The following ATAD2B variants were observed in gnomAD, a reference collection of about 807,000 sequenced individuals.
ATAD2B encodes ATPase family AAA domain-containing protein 2B.
Under a neutral mutation model 167.6 loss-of-function variants are expected in ATAD2B, and 40 were observed. The ratio of observed to expected loss-of-function variants is 0.24; its 90% CI spans 0.19 to 0.31. ATAD2B has a LOEUF of 0.31. ATAD2B is among the 10% of genes least tolerant of loss of function. ATAD2B has a pLI of 1.00. For synonymous variants in ATAD2B, 579 were observed against 596.5 expected (o/e 0.97, Z 0.43); for missense variants, 1,242 against 1,757.2 (o/e 0.71, Z 5.24).
intron 15 of ATAD2B, among the ~76,000 whole-genome samples, chr2:23,825,397 T>A (rs1332776071): frequency 1.3e-5 from 2 of 152,184 alleles, no homozygotes; most frequent in Non-Finnish European, 2.9e-5. Context: ...GATTACGCAT[T>A]AACATTGTTC....
At chr2:23,795,933 A>C (rs538064376) in intron 19 of ATAD2B, among the ~76,000 whole-genome samples, 32 of 152,056 alleles carry the variant, frequency 2.1e-4, no homozygotes, top group Admixed American at 1.4e-3. Flanking sequence ...GGTAGACCTG[A>C]AATTAAATTG....
intron 14 of ATAD2B, among the ~76,000 whole-genome samples, chr2:23,831,745 C>CGACT (rs879290761): frequency 4.6e-5 from 7 of 152,190 alleles, no homozygotes; most frequent in Non-Finnish European, 1.0e-4. Context: ...TATCTAAAGT[C>CGACT]ATTCACACCA....
At chr2:23,726,668 A>G in the ATAD2B span, among the ~76,000 whole-genome samples, 1 of 152,214 alleles carries the variant, frequency 6.6e-6, no homozygotes, top group East Asian at 1.9e-4. Context: ...ATATTATTCA[A>G]CCTTAAAAAG....
chr2:23,915,569 A>ATGTC (rs1183606312), intron 1 of ATAD2B, among the ~76,000 whole-genome samples: 19 of 140,498 alleles, frequency 1.4e-4, no homozygotes, highest in African/African-American at 4.8e-4. Flanking sequence ...GTAAACAACC[A>ATGTC]TGTCTGACTA....
the ATAD2B span, among the ~76,000 whole-genome samples, chr2:23,719,928 G>C: frequency 6.6e-6 from 1 of 152,322 alleles, no homozygotes; most frequent in African/African-American, 2.4e-5. Flanking sequence ...TGCTGTAGGA[G>C]GTTCATCCCA....
At chr2:23,813,993 C>T (rs910446286) in intron 17 of ATAD2B, among the ~76,000 whole-genome samples, 1 of 152,086 alleles carries the variant, frequency 6.6e-6, no homozygotes, top group African/African-American at 2.4e-5. Context: ...TCGAACATGC[C>T]TGTAATCCCA....
At chr2:23,696,085 C>T in the ATAD2B span, 126 of 1,551,678 alleles carry the variant, frequency 8.1e-5, no homozygotes, top group Non-Finnish European at 1.0e-4. This position sits in a 1 kb window ranked among gnomAD's most constrained non-coding sequence, Gnocchi z 5.5. Context: ...CTTCTATGAC[C>T]GCGAGTTCTT....
intron 1 of ATAD2B, among the ~76,000 whole-genome samples, chr2:23,919,673 T>A (rs1043693338): frequency 6.6e-6 from 1 of 151,388 alleles, no homozygotes; most frequent in African/African-American, 2.4e-5. Flanking sequence ...TGAAACCCCA[T>A]CTCTTCTAAA....
the ATAD2B span, among the ~76,000 whole-genome samples, chr2:23,723,759 C>A: frequency 1.3e-5 from 2 of 152,102 alleles, no homozygotes. Context: ...AGTCCCACTA[C>A]TGGGAATTTA....
chr2:23,703,942 C>T, the ATAD2B span: 4 of 1,403,968 alleles, frequency 2.8e-6, no homozygotes, highest in Non-Finnish European at 2.9e-6. Context: ...TGATTTCCTG[C>T]CATCAGTGAC....
chr2:23,696,175 C>T, the ATAD2B span: 1 of 1,530,958 alleles, frequency 6.5e-7, no homozygotes, highest in Non-Finnish European at 8.8e-7. The surrounding 1 kb of genome is among the most constrained non-coding windows in gnomAD (Gnocchi z 5.5). Flanking sequence ...GCATGGGGGT[C>T]CCAAGGGGAC....
the ATAD2B span, among the ~76,000 whole-genome samples, chr2:23,725,906 T>G: frequency 2.0e-5 from 3 of 152,142 alleles, no homozygotes; most frequent in Non-Finnish European, 2.9e-5. Flanking sequence ...TAGAACCTTG[T>G]GCACTGTTCG....
the ATAD2B span, among the ~76,000 whole-genome samples, chr2:23,730,853 G>C: frequency 6.6e-6 from 1 of 150,686 alleles, no homozygotes; most frequent in Non-Finnish European, 1.5e-5. Flanking sequence ...CAGAAGTGTA[G>C]AAATCAGAAA....
At chr2:23,813,480 A>G in intron 17 of ATAD2B, among the ~76,000 whole-genome samples, 1 of 151,824 alleles carries the variant, frequency 6.6e-6, no homozygotes, top group Middle Eastern at 3.2e-3. Flanking sequence ...TCACACCTGT[A>G]ATCCCAGCAC....
rs1390801428 is a variant in ATAD2B, at chr2:23,750,870, G to A, written c.*1176C>T. 6.6e-6 allele frequency: 1 copy of A among 152,092 alleles called. No homozygotes were observed. Among genetic ancestry groups the A allele is most frequent in the Non-Finnish European group, 1.5e-5 (1 of 67,998 alleles). The allele number at this position is 152,092 out of a possible 1,614,324, so 9.4% of individuals were successfully genotyped here. A position where few individuals can be genotyped will look rare whatever the true frequency, so the allele number is the denominator to read the frequency against. ...AAATGGTTTCCAATCAAAAAGAAGA[G>A]TTGTGAAGGTAAGCTTAGGAGATGG... On this transcript the variant is annotated 3_prime_UTR_variant, in exon 28 of 28. Coordinates refer to ENST00000238789, the MANE Select transcript of ATAD2B (RefSeq NM_017552.4).
chr2:23,848,696 A>G (rs1692074251), intron 13 of ATAD2B, among the ~76,000 whole-genome samples: 1 of 152,230 alleles, frequency 6.6e-6, no homozygotes, highest in Admixed American at 6.5e-5. Context: ...CTGGAATCAT[A>G]AAAAATATTC....
intron 7 of ATAD2B, among the ~76,000 whole-genome samples, chr2:23,877,845 G>A (rs1247972653): frequency 3.3e-5 from 5 of 149,428 alleles, no homozygotes; most frequent in Admixed American, 1.3e-4. Flanking sequence ...GTGACAGAAT[G>A]AGACTATCTC....
At chr2:23,746,027 G>A (rs1674860132), downstream of ATAD2B, among the ~76,000 whole-genome samples, 1 of 152,148 alleles carries the variant, frequency 6.6e-6, no homozygotes, top group Non-Finnish European at 1.5e-5. Flanking sequence ...CTATGCTTCT[G>A]TTGTTCCTTC....
chr2:23,857,924 T>C (rs1030956983), intron 12 of ATAD2B, among the ~76,000 whole-genome samples: 2 of 151,376 alleles, frequency 1.3e-5, no homozygotes, highest in East Asian at 3.9e-4. Flanking sequence ...TTGTATTTTT[T>C]AGTAGAGACA....
Sources: allele counts gnomAD v4.1 joint callset (sites outside exome capture counted in the v4.1 genomes callset), GRCh38; gene constraint gnomAD v4.1.1; non-coding constraint Gnocchi (gnomAD v3.1); transcripts MANE v1.5; gene names NCBI Gene and HGNC (gene_info 2026-07-23, HGNC 2026-07-21).